DCTN5: variants seen among roughly 807,000 people sequenced by gnomAD.
DCTN5 encodes the protein dynactin 4.
A neutral mutation model predicts 23.5 loss-of-function variants in DCTN5; 14 were observed. The ratio of observed to expected loss-of-function variants is 0.60; its 90% CI spans 0.39 to 0.93. DCTN5 has a LOEUF of 0.93. Among genes scored for constraint, DCTN5 ranks in the 40% least tolerant of loss-of-function variants. The pLI is 0.00. For synonymous variants in DCTN5, 67 were observed against 79.6 expected (o/e 0.84, Z 0.84); for missense variants, 156 against 225.9 (o/e 0.69, Z 1.98).
chr16:23,641,490 A>T lies in DCTN5; in HGVS notation c.-53A>T, dbSNP rs1017776612. On this transcript the variant is annotated 5_prime_UTR_variant, in exon 1 of 6. Coordinates refer to ENST00000300087, the MANE Select transcript of DCTN5 (RefSeq NM_032486.4). ...CGGAAGTAGCCGGAATCTCTGAAAGACTGACCGACTGACTCTGACAGGATC... is the reference window on the plus strand; with the variant it reads ...CGGAAGTAGCCGGAATCTCTGAAAGTCTGACCGACTGACTCTGACAGGATC... 13 of 1,610,310 alleles carry T rather than the reference A, an allele frequency of 8.1e-6. No individual in the cohort carries two copies. In the African/African-American group the frequency reaches 1.7e-4, roughly 22 times the overall value.
chr16:23,659,933 A>G (rs111992294), intron 3 of DCTN5, among the ~76,000 whole-genome samples: 95 of 152,348 alleles, frequency 6.2e-4, no homozygotes, highest in African/African-American at 2.2e-3. Flanking sequence ...AAGAGTGAAC[A>G]AGGGGTTTAT....
chr16:23,659,867 A>G (rs1025526260), intron 3 of DCTN5, among the ~76,000 whole-genome samples: 4 of 152,258 alleles, frequency 2.6e-5, no homozygotes, highest in Non-Finnish European at 4.4e-5. Context: ...CTGATACACT[A>G]CTAGAAATGT....
intron 2 of DCTN5, among the ~76,000 whole-genome samples, 178 bp downstream of exon 2, chr16:23,643,201 CG>C (rs1967342949): frequency 7.0e-6 from 1 of 142,464 alleles, no homozygotes; most frequent in South Asian, 2.2e-4. Flanking sequence ...TTTTTTGTTT[CG>C]GTTTTTTTTG....
chr16:23,664,391 A>G lies in DCTN5; in HGVS notation c.349-1235A>G, dbSNP rs924516822. Reference sequence around the variant, plus strand: ...GAAAAACATATGATTTAAGTGTTTAATAATGGGGAAAAATTTAAACACAAG... The same window carrying G: ...GAAAAACATATGATTTAAGTGTTTAGTAATGGGGAAAAATTTAAACACAAG... On this transcript the variant is annotated intron_variant, in intron 4 of 5. Transcript: ENST00000300087. Among the ~76,000 whole-genome samples, 7 of 152,256 alleles carry G rather than the reference A, an allele frequency of 4.6e-5. No individual in the cohort carries two copies. The East Asian group carries it at 1.2e-3, about 25-fold the overall frequency.
At chr16:23,662,617 A>G (rs1291780178) in intron 4 of DCTN5, among the ~76,000 whole-genome samples, 1 of 152,198 alleles carries the variant, frequency 6.6e-6, no homozygotes, top group Non-Finnish European at 1.5e-5. Flanking sequence ...TGAAATATCA[A>G]AAAACTTGCA....
intron 2 of DCTN5, among the ~76,000 whole-genome samples, chr16:23,650,080 T>TTATG (rs1482351292): frequency 6.6e-6 from 1 of 152,186 alleles, no homozygotes; most frequent in African/African-American, 2.4e-5. Flanking sequence ...AATGCCAGTA[T>TTATG]TATGCTATTT....
intron 2 of DCTN5, among the ~76,000 whole-genome samples, chr16:23,650,222 G>A (rs1967570660): frequency 6.6e-6 from 1 of 152,056 alleles, no homozygotes; most frequent in East Asian, 1.9e-4. Context: ...TTCTATTTTT[G>A]TGAAGAATCT....
chr16:23,653,308 A>G (rs1410637565), intron 2 of DCTN5, among the ~76,000 whole-genome samples: 2 of 152,190 alleles, frequency 1.3e-5, no homozygotes, highest in Admixed American at 6.5e-5. Flanking sequence ...TCAAACTACT[A>G]CAGGGCTACA....
Position 23,674,741 on chromosome 16 carries a change from T to C in DCTN5, c.*7597T>C, listed in dbSNP as rs1163899540. The stretch of plus-strand genomic sequence containing the variant: ...AAAAATTCAGGGTTTCATCCTTTAT[T>C]AGTTTGCTAAGGATACCATAACAAA... On this transcript the variant is annotated 3_prime_UTR_variant, in exon 6 of 6. Transcript: ENST00000300087. The C allele has an allele frequency of 1.3e-5, 2 of 152,244 alleles. No homozygotes were observed. Among genetic ancestry groups the C allele is most frequent in the Non-Finnish European group, 2.9e-5 (2 of 68,044 alleles). The allele number at this position is 152,244 out of a possible 1,614,324, so 9.4% of individuals were successfully genotyped here. A position where few individuals can be genotyped will look rare whatever the true frequency, so the allele number is the denominator to read the frequency against.
intron 2 of DCTN5, among the ~76,000 whole-genome samples, chr16:23,646,980 C>T (rs1967475497): frequency 6.6e-6 from 1 of 152,146 alleles, no homozygotes; most frequent in Non-Finnish European, 1.5e-5. Context: ...TATTCTTTCC[C>T]TGTTGAATGG....
intron 2 of DCTN5, chr16:23,657,504 G>A (rs1355707677): frequency 3.3e-5 from 14 of 430,710 alleles, no homozygotes; most frequent in African/African-American, 1.0e-4. Context: ...GCAATGGCGC[G>A]ATCTCGGCTC....
intron 4 of DCTN5, among the ~76,000 whole-genome samples, chr16:23,663,352 G>A (rs1359199452): frequency 6.6e-6 from 1 of 152,174 alleles, no homozygotes; most frequent in Non-Finnish European, 1.5e-5. Context: ...GGATATATAG[G>A]TAGCTGTAGT....
intron 2 of DCTN5, among the ~76,000 whole-genome samples, chr16:23,643,589 C>T (rs1170498629): frequency 6.6e-6 from 1 of 151,940 alleles, no homozygotes; most frequent in Non-Finnish European, 1.5e-5. Context: ...TACCTAGAAC[C>T]AACATTATTT....
chr16:23,667,217 C>G lies in DCTN5; in HGVS notation c.*73C>G, dbSNP rs895640306. On this transcript the variant is annotated 3_prime_UTR_variant, in exon 6 of 6. Transcript: ENST00000300087. The stretch of plus-strand genomic sequence containing the variant: ...GGGGACAAAGTGAGCCAGTCAGCAC[C>G]TACAAAGAGCTTTTGTGTCTTTGAC... 5.1e-6 allele frequency: 8 copies of G among 1,581,624 alleles called. No individual in the cohort carries two copies. In the African/African-American group the frequency reaches 1.1e-4, roughly 21 times the overall value.
At chr16:23,650,885 A>G in intron 2 of DCTN5, 3 of 1,400,946 alleles carry the variant, frequency 2.1e-6, no homozygotes, top group East Asian at 2.5e-5. Context: ...GGTGAATTGG[A>G]GAATGTGACC....
At chr16:23,645,652 A>G (rs971334871) in intron 2 of DCTN5, among the ~76,000 whole-genome samples, 3 of 152,148 alleles carry the variant, frequency 2.0e-5, no homozygotes, top group Non-Finnish European at 4.4e-5. Context: ...GAATCATACA[A>G]TATTTGTCCT....
intron 5 of DCTN5, 147 bp downstream of exon 5, chr16:23,665,875 T>C: frequency 1.5e-6 from 1 of 655,672 alleles, no homozygotes. Context: ...TACCTAGAAA[T>C]GCTACCTAAC....
intron 2 of DCTN5, chr16:23,650,763 T>C (rs1967586791): frequency 2.0e-6 from 3 of 1,534,938 alleles, no homozygotes; most frequent in Non-Finnish European, 2.6e-6. Flanking sequence ...CAGAACTTTG[T>C]CATTTCTGTT....
At chr16:23,663,593 G>A (rs1382922251) in intron 4 of DCTN5, among the ~76,000 whole-genome samples, 1 of 151,868 alleles carries the variant, frequency 6.6e-6, no homozygotes, top group East Asian at 1.9e-4. Context: ...GCACATGCCT[G>A]TAATCCCAGC....
Sources: allele counts gnomAD v4.1 joint callset (sites outside exome capture counted in the v4.1 genomes callset), GRCh38; gene constraint gnomAD v4.1.1; transcripts MANE v1.5; gene names NCBI Gene and HGNC (gene_info 2026-07-23, HGNC 2026-07-21).